The following IL1RAP variants were observed in gnomAD, a reference collection of about 807,000 sequenced individuals.
IL1RAP encodes the protein interleukin 1 receptor accessory protein.
Under a neutral mutation model 60.7 loss-of-function variants are expected in IL1RAP, and 35 were observed. That is an observed-to-expected ratio of 0.58 (90% confidence interval 0.44 to 0.76). The LOEUF is 0.76. Ranked by LOEUF, IL1RAP falls within the 30% of genes least tolerant of loss-of-function variation. IL1RAP has a pLI of 0.00. For missense variants in IL1RAP, 572 were observed against 693.9 expected (o/e 0.82, Z 1.97); for synonymous variants, 268 against 250.9 (o/e 1.07, Z -0.64).
At chr3:190,654,190 T>TCTCA (rs1553854858), downstream of IL1RAP, among the ~76,000 whole-genome samples, 88 of 140,512 alleles carry the variant, frequency 6.3e-4, 1 homozygote, top group Middle Eastern at 0.018. Flanking sequence ...AAACATCATA[T>TCTCA]CACACACACA....
At chr3:190,622,666 A>G (rs1302008370) in intron 6 of IL1RAP, among the ~76,000 whole-genome samples, 1 of 152,210 alleles carries the variant, frequency 6.6e-6, no homozygotes, top group Non-Finnish European at 1.5e-5. Flanking sequence ...AAGGATTCAA[A>G]TGAACATCCA....
intron 9 of IL1RAP, among the ~76,000 whole-genome samples, chr3:190,640,706 G>A (rs984578845): frequency 2.6e-5 from 4 of 152,164 alleles, no homozygotes; most frequent in African/African-American, 9.7e-5. Flanking sequence ...AAACGTGATT[G>A]TAGAGCAAGA....
chr3:190,575,761 C>A (rs1182249389), intron 3 of IL1RAP, among the ~76,000 whole-genome samples: 1 of 152,212 alleles, frequency 6.6e-6, no homozygotes, highest in African/African-American at 2.4e-5. Context: ...ATTAAATGAT[C>A]TTGTGAGCTG....
intron 1 of IL1RAP, among the ~76,000 whole-genome samples, chr3:190,531,130 G>T (rs1277282772): frequency 6.6e-6 from 1 of 152,038 alleles, no homozygotes; most frequent in Non-Finnish European, 1.5e-5. Flanking sequence ...TCACACCTGC[G>T]ATCTTAGCAC....
At chr3:190,538,040 T>C (rs1356175217) in intron 1 of IL1RAP, among the ~76,000 whole-genome samples, 1 of 152,168 alleles carries the variant, frequency 6.6e-6, no homozygotes, top group Non-Finnish European at 1.5e-5. Context: ...TCTGTGATTC[T>C]TTCTGGTCCC....
At chr3:190,594,264 C>A (rs1729191591) in intron 3 of IL1RAP, among the ~76,000 whole-genome samples, 1 of 152,086 alleles carries the variant, frequency 6.6e-6, no homozygotes, top group South Asian at 2.1e-4. Flanking sequence ...GGACCAGACT[C>A]CAAGTAATGA....
intron 1 of IL1RAP, among the ~76,000 whole-genome samples, chr3:190,519,319 A>G (rs1279791263): frequency 1.3e-5 from 2 of 152,224 alleles, no homozygotes; most frequent in Admixed American, 1.3e-4. Context: ...TGAACAAACA[A>G]AGATGAGCAA....
intron 1 of IL1RAP, among the ~76,000 whole-genome samples, chr3:190,529,778 C>T (rs1215775437): frequency 2.0e-5 from 3 of 149,140 alleles, no homozygotes; most frequent in African/African-American, 5.0e-5. Flanking sequence ...TGCTTGAATC[C>T]GGGAGGCGGA....
chr3:190,531,606 C>T (rs1722989614), intron 1 of IL1RAP, among the ~76,000 whole-genome samples: 1 of 152,234 alleles, frequency 6.6e-6, no homozygotes, highest in African/African-American at 2.4e-5. Flanking sequence ...TGGCTTCCTA[C>T]TTGTCAAGAC....
At position 190,564,113 on chromosome 3, in the gene IL1RAP, CAG is replaced by C. The variant is rs902846481; in HGVS notation, c.-1-174_-1-173del. ...AATTGAAAAACAAACAACAAAAAAA[CAG>C]AAACAAAATAAAACCTGTCTTATTG... On this transcript the variant is annotated intron_variant, in intron 2 of 11. Transcript: ENST00000447382. 3.2e-5 allele frequency: 18 copies of C among 565,086 alleles called. No homozygotes were observed. In the African/African-American group the frequency reaches 3.2e-4, roughly 10 times the overall value. 35.0% of individuals were successfully genotyped at this position (565,086 alleles called of 1,614,324 possible).
exon 12 of IL1RAP, chr3:190,659,107 A>G (rs1297292637): frequency 6.6e-6 from 1 of 152,240 alleles, no homozygotes; most frequent in Admixed American, 6.5e-5. Context: ...ACCCACTATC[A>G]GTGTTATGCC....
chr3:190,564,294 C>T lies in IL1RAP; in HGVS notation c.5C>T (p.Thr2Ile), dbSNP rs1726171875. The T allele has an allele frequency of 6.2e-7, 1 of 1,606,142 alleles. No homozygotes were observed. Among genetic ancestry groups the T allele is most frequent in the South Asian group, 1.1e-5 (1 of 90,916 alleles). ...CTTTGTATTTATGGTTACAGGATGA[C>T]ACTTCTGTGGTGTGTAGTGAGTCTC... M[T>I]LLWCVVSLYF... Residue 2 changes from threonine to isoleucine, a missense_variant, in exon 3 of 12, where the codon ACA becomes ATA. Coordinates refer to ENST00000447382, the MANE Select transcript of IL1RAP (RefSeq NM_002182.4).
intron 5 of IL1RAP, among the ~76,000 whole-genome samples, chr3:190,609,963 C>A (rs6765375): frequency 0.58 from 87,917 of 152,032 alleles, 28,271 homozygotes; most frequent in East Asian, 0.82. Flanking sequence ...CAACGTGAGA[C>A]CAGGAGCTGA....
chr3:190,611,185 C>G (rs764746787), intron 5 of IL1RAP, among the ~76,000 whole-genome samples: 1 of 152,154 alleles, frequency 6.6e-6, no homozygotes, highest in Non-Finnish European at 1.5e-5. Flanking sequence ...ATCTAGGCAT[C>G]TAAGCATCAA....
chr3:190,534,310 CT>C, intron 1 of IL1RAP, among the ~76,000 whole-genome samples: 1 of 151,458 alleles, frequency 6.6e-6, no homozygotes, highest in Non-Finnish European at 1.5e-5. Context: ...GCTCGGTATG[CT>C]TTGCTCAAAT....
At chr3:190,526,411 T>C (rs1160487825) in intron 1 of IL1RAP, among the ~76,000 whole-genome samples, 1 of 152,242 alleles carries the variant, frequency 6.6e-6, no homozygotes, top group Non-Finnish European at 1.5e-5. Flanking sequence ...CCCACTTACT[T>C]TGTGGTGCCT....
At chr3:190,613,807 T>C (rs957593077) in intron 5 of IL1RAP, among the ~76,000 whole-genome samples, 17 of 151,546 alleles carry the variant, frequency 1.1e-4, no homozygotes, top group Admixed American at 9.9e-4. Context: ...CACTCCAGCC[T>C]GGGCAATGGA....
chr3:190,527,117 C>T (rs1057261434), intron 1 of IL1RAP, among the ~76,000 whole-genome samples: 6 of 152,128 alleles, frequency 3.9e-5, no homozygotes, highest in Non-Finnish European at 8.8e-5. Context: ...GCGATGATCC[C>T]AGAGCATTTT....
At chr3:190,638,969 T>A (rs1336434762) in intron 9 of IL1RAP, among the ~76,000 whole-genome samples, 1 of 152,126 alleles carries the variant, frequency 6.6e-6, no homozygotes, top group Admixed American at 6.5e-5. Context: ...AACGGGGCAG[T>A]TTTTGTTGCT....
Sources: gnomAD v4.1 joint callset for allele counts (sites outside exome capture counted in the v4.1 genomes callset) on GRCh38, gnomAD v4.1.1 for gene constraint, MANE v1.5 for transcripts, NCBI Gene and HGNC (gene_info 2026-07-23, HGNC 2026-07-21) for gene names.